The following ANO10 variants were observed in gnomAD, a reference collection of about 807,000 sequenced individuals.
ANO10 encodes the protein anoctamin 10.
A neutral mutation model predicts 74.7 loss-of-function variants in ANO10; 77 were observed. The observed-to-expected ratio is 1.03, with a 90% confidence interval of 0.86 to 1.25. The LOEUF is 1.25. Among genes scored for constraint, ANO10 ranks in the 50% most tolerant of loss-of-function variants. ANO10 has a pLI of 0.00. For synonymous variants in ANO10, 279 were observed against 284.9 expected, an observed-to-expected ratio of 0.98 and a Z score of 0.21; for missense variants, 721 against 778.1, an observed-to-expected ratio of 0.93 and a Z score of 0.87.
At chr3:43,447,251 T>A (rs1263643417) in intron 11 of ANO10, among the ~76,000 whole-genome samples, 2 of 152,224 alleles carry the variant, frequency 1.3e-5, no homozygotes, top group African/African-American at 2.4e-5. Flanking sequence ...TCAAAGGATA[T>A]ACACAGTTGT....
At chr3:43,604,125 A>G (rs2082453157) in intron 2 of ANO10, among the ~76,000 whole-genome samples, 1 of 152,182 alleles carries the variant, frequency 6.6e-6, no homozygotes, top group South Asian at 2.1e-4. Flanking sequence ...TATATTCATG[A>G]AGTACATAGT....
At chr3:43,653,057 A>T (rs1036578962) in intron 1 of ANO10, 1 of 151,920 alleles carries the variant, frequency 6.6e-6, no homozygotes, top group African/African-American at 2.4e-5. Flanking sequence ...ATACAAAAAA[A>T]AAAATTAGCT....
intron 4 of ANO10, among the ~76,000 whole-genome samples, chr3:43,582,434 G>A (rs967710922): frequency 2.0e-5 from 3 of 151,660 alleles, no homozygotes; most frequent in Non-Finnish European, 2.9e-5. Flanking sequence ...GTGACAGAGC[G>A]AGACTCCGTC....
At chr3:43,619,302 G>A (rs980815806) in intron 1 of ANO10, among the ~76,000 whole-genome samples, 2 of 152,110 alleles carry the variant, frequency 1.3e-5, no homozygotes, top group Non-Finnish European at 2.9e-5. Context: ...GACATATGAC[G>A]ACTAAATACA....
At chr3:43,573,815 AT>A (rs941663937) in intron 7 of ANO10, among the ~76,000 whole-genome samples, 38 of 152,284 alleles carry the variant, frequency 2.5e-4, no homozygotes, top group Admixed American at 1.9e-3. Context: ...AACAAAAAAA[AT>A]TTTTTTTAAT....
intron 12 of ANO10, among the ~76,000 whole-genome samples, chr3:43,428,251 T>C (rs1247347357): frequency 2.6e-5 from 4 of 152,098 alleles, no homozygotes; most frequent in African/African-American, 4.8e-5. Flanking sequence ...GGTTTCACCA[T>C]GTTGGCTGGG....
intron 11 of ANO10, among the ~76,000 whole-genome samples, chr3:43,453,127 G>A (rs770598747): frequency 4.6e-5 from 7 of 151,040 alleles, no homozygotes; most frequent in East Asian, 3.9e-4. Flanking sequence ...GGTGTCCTTC[G>A]AAGCACAAAA....
At chr3:43,668,453 G>T in intron 1 of ANO10, among the ~76,000 whole-genome samples, 1 of 151,872 alleles carries the variant, frequency 6.6e-6, no homozygotes. Context: ...TTTAATTTTT[G>T]TTTTTGTTGC....
At chr3:43,420,076 T>C (rs2148911559) in intron 12 of ANO10, among the ~76,000 whole-genome samples, 1 of 152,356 alleles carries the variant, frequency 6.6e-6, no homozygotes, top group South Asian at 2.1e-4. Flanking sequence ...CTAATATATT[T>C]CAGCCCAGTT....
intron 1 of ANO10, among the ~76,000 whole-genome samples, chr3:43,613,614 G>A (rs943379334): frequency 2.0e-5 from 3 of 152,148 alleles, no homozygotes; most frequent in African/African-American, 7.2e-5. Flanking sequence ...TCTATTGGGC[G>A]AGAATATGGG....
intron 12 of ANO10, among the ~76,000 whole-genome samples, chr3:43,404,362 G>A (rs1439546567): frequency 2.0e-5 from 3 of 152,132 alleles, no homozygotes; most frequent in Non-Finnish European, 4.4e-5. Flanking sequence ...ACAAGGAGAT[G>A]AATTCCACTA....
intron 12 of ANO10, among the ~76,000 whole-genome samples, chr3:43,375,394 G>C (rs1275752100): frequency 6.6e-6 from 1 of 152,170 alleles, no homozygotes; most frequent in African/African-American, 2.4e-5. Flanking sequence ...GTGGCAGTGA[G>C]CCGAGAATGC....
chr3:43,419,522 T>C (rs965362196), intron 12 of ANO10, among the ~76,000 whole-genome samples: 1 of 151,246 alleles, frequency 6.6e-6, no homozygotes, highest in Non-Finnish European at 1.5e-5. Flanking sequence ...TTAGTATTTG[T>C]TGCATTTTTT....
chr3:43,602,138 T>G (rs756233962), intron 2 of ANO10, among the ~76,000 whole-genome samples: 1 of 152,172 alleles, frequency 6.6e-6, no homozygotes, highest in African/African-American at 2.4e-5. Context: ...AAGTGTCAAA[T>G]TGACAAAGTC....
At chr3:43,433,928 G>C (rs2093029060) in intron 11 of ANO10, among the ~76,000 whole-genome samples, 2 of 152,154 alleles carry the variant, frequency 1.3e-5, no homozygotes, top group African/African-American at 2.4e-5. Flanking sequence ...GAGAGAGATG[G>C]AACAGCCTTT....
intron 9 of ANO10, 56 bp downstream of exon 9, chr3:43,561,164 T>A: frequency 6.4e-7 from 1 of 1,573,330 alleles, no homozygotes; most frequent in South Asian, 1.1e-5. Flanking sequence ...TTGAACTCAG[T>A]GCATGGCTAT....
intron 12 of ANO10, among the ~76,000 whole-genome samples, chr3:43,383,031 A>G (rs2092012909): frequency 6.6e-6 from 1 of 152,238 alleles, no homozygotes; most frequent in Non-Finnish European, 1.5e-5. Flanking sequence ...CTATGAAGCC[A>G]GTATCATCCT....
At chr3:43,454,525 G>A (rs1172438402) in intron 11 of ANO10, among the ~76,000 whole-genome samples, 1 of 152,072 alleles carries the variant, frequency 6.6e-6, no homozygotes, top group East Asian at 1.9e-4. Flanking sequence ...CACAAAAAAA[G>A]GGAGAGAGGA....
intron 1 of ANO10, among the ~76,000 whole-genome samples, chr3:43,618,797 T>C (rs574688411): frequency 6.6e-6 from 1 of 152,234 alleles, no homozygotes; most frequent in East Asian, 1.9e-4. Context: ...CCTTATTAGT[T>C]ATACGTCTTT....
Sources: gnomAD v4.1 joint callset for allele counts (sites outside exome capture counted in the v4.1 genomes callset) on GRCh38, gnomAD v4.1.1 for gene constraint, MANE v1.5 for transcripts, NCBI Gene and HGNC (gene_info 2026-07-23, HGNC 2026-07-21) for gene names.